ZNF469: variants seen among roughly 807,000 people sequenced by gnomAD.
ZNF469 encodes the protein zinc finger protein 469.
A neutral mutation model predicts 1.0 loss-of-function variants in ZNF469; 1 was observed. That is an observed-to-expected ratio of 1.00 (90% confidence interval 0.35 to 4.73). The LOEUF (loss-of-function observed/expected upper bound fraction) is 4.73, where lower values mean the gene tolerates loss of function less well. ZNF469 is among the 30% of genes most tolerant of loss of function. The probability of loss-of-function intolerance (pLI) is 0.16; values close to 1 mark genes in which losing one functional copy is unlikely to be tolerated. For synonymous variants in ZNF469, 2,703 were observed against 2,363.4 expected, an observed-to-expected ratio of 1.14 and a Z score of -4.17; for missense variants, 6,100 against 5,356.3, an observed-to-expected ratio of 1.14 and a Z score of -4.33.
the ZNF469 span, among the ~76,000 whole-genome samples, chr16:88,171,275 T>C: frequency 6.6e-6 from 1 of 152,168 alleles, no homozygotes; most frequent in Non-Finnish European, 1.5e-5. Context: ...CAGGTAGTGG[T>C]GGCCCATCTG....
the ZNF469 span, among the ~76,000 whole-genome samples, chr16:88,209,296 T>C: frequency 6.6e-6 from 1 of 151,920 alleles, no homozygotes; most frequent in Non-Finnish European, 1.5e-5. Context: ...TTTTTTCTTT[T>C]TTTTTTTCTT....
chr16:88,370,824 C>T, the ZNF469 span, among the ~76,000 whole-genome samples: 3 of 152,146 alleles, frequency 2.0e-5, 1 homozygote, highest in South Asian at 6.2e-4. Flanking sequence ...TTGGCTTTGG[C>T]GATGGGGCAG....
chr16:88,295,534 G>C, the ZNF469 span, among the ~76,000 whole-genome samples: 14 of 152,312 alleles, frequency 9.2e-5, no homozygotes, highest in African/African-American at 3.4e-4. Context: ...AACGGCTGTA[G>C]CTGAGCCCCT....
At chr16:88,319,458 C>G in the ZNF469 span, among the ~76,000 whole-genome samples, 1 of 152,136 alleles carries the variant, frequency 6.6e-6, no homozygotes, top group Non-Finnish European at 1.5e-5. Flanking sequence ...TCCGAGGCCT[C>G]GGAAGGTGGG....
the ZNF469 span, among the ~76,000 whole-genome samples, chr16:88,202,606 A>G: frequency 6.6e-6 from 1 of 152,202 alleles, no homozygotes; most frequent in Non-Finnish European, 1.5e-5. Flanking sequence ...AGGGCATCTC[A>G]GAACCTGAGG....
At chr16:88,313,245 G>C in the ZNF469 span, among the ~76,000 whole-genome samples, 1 of 152,132 alleles carries the variant, frequency 6.6e-6, no homozygotes, top group Non-Finnish European at 1.5e-5. Context: ...TTATATATGA[G>C]AAAGCTGTTG....
the ZNF469 span, among the ~76,000 whole-genome samples, chr16:88,136,670 G>A: frequency 1.4e-4 from 21 of 152,364 alleles, no homozygotes; most frequent in South Asian, 8.3e-4. Context: ...AACGATGGAC[G>A]TCTGATGGCT....
At chr16:88,372,882 T>G in the ZNF469 span, among the ~76,000 whole-genome samples, 1 of 151,912 alleles carries the variant, frequency 6.6e-6, no homozygotes, top group Non-Finnish European at 1.5e-5. Flanking sequence ...ATCTTCACCA[T>G]CATCACCACC....
chr16:88,263,637 T>G, the ZNF469 span, among the ~76,000 whole-genome samples: 1 of 151,872 alleles, frequency 6.6e-6, no homozygotes, highest in Non-Finnish European at 1.5e-5. Context: ...GGGTCAAGGG[T>G]GCAGTGGGCA....
chr16:88,387,351 T>C (rs4782515), intron 1 of ZNF469, among the ~76,000 whole-genome samples: 99,621 of 152,052 alleles, frequency 0.66, 33,349 homozygotes, highest in African/African-American at 0.79. Context: ...TTCACCAGGC[T>C]GGCTTCAGGG....
the ZNF469 span, among the ~76,000 whole-genome samples, chr16:88,290,246 C>A: frequency 2.0e-5 from 3 of 152,250 alleles, no homozygotes; most frequent in Non-Finnish European, 2.9e-5. Flanking sequence ...AGCTGATGGA[C>A]TTTCAGATGA....
At position 88,438,748 on chromosome 16, in the gene ZNF469, G is replaced by T; in HGVS notation, c.11278G>T (p.Glu3760Ter). The change falls in exon 3 of 3, where the codon GAG becomes TAG. Residue 3760 changes from glutamate to a stop codon, truncating the protein, a stop_gained. Coordinates refer to ENST00000565624, the MANE Select transcript of ZNF469 (RefSeq NM_001367624.2). LOFTEE classifies it low-confidence loss of function (END_TRUNC). Reference protein sequence around the residue: ...PQPASGQLQSETATTPAKPSF... With the variant: ...PQPASGQLQS ...GCCAGCCAGCGGGCAGCTCCAGAGC[G>T]AGACAGCCACCACCCCAGCCAAGCC... The T allele has an allele frequency of 6.5e-7, 1 of 1,550,052 alleles. No individual in the cohort carries two copies. The highest frequency in any genetic ancestry group is 8.7e-7 in the Non-Finnish European group (1 of 1,146,872).
the ZNF469 span, among the ~76,000 whole-genome samples, chr16:88,137,261 A>G: frequency 6.6e-6 from 1 of 152,230 alleles, no homozygotes; most frequent in African/African-American, 2.4e-5. Context: ...GTATGTGTAA[A>G]ACCATGTGTG....
chr16:88,164,198 A>G, the ZNF469 span, among the ~76,000 whole-genome samples: 2 of 149,316 alleles, frequency 1.3e-5, no homozygotes, highest in South Asian at 4.4e-4. Flanking sequence ...GGGTGGATGG[A>G]TGAATGGATG....
chr16:88,425,105 G>A (rs997160250), intron 2 of ZNF469, among the ~76,000 whole-genome samples: 1 of 152,216 alleles, frequency 6.6e-6, no homozygotes, highest in African/African-American at 2.4e-5. Context: ...GGCAGCCGCT[G>A]AGCCAGCAGG....
chr16:88,372,954 CCAT>C, the ZNF469 span, among the ~76,000 whole-genome samples: 4 of 152,014 alleles, frequency 2.6e-5, no homozygotes, highest in Non-Finnish European at 5.9e-5. Context: ...ACCATCATCA[CCAT>C]CATCACCACC....
chr16:88,154,751 C>A, the ZNF469 span, among the ~76,000 whole-genome samples: 2 of 152,208 alleles, frequency 1.3e-5, no homozygotes, highest in African/African-American at 2.4e-5. Flanking sequence ...GCAGCATCTG[C>A]CACATCACAG....
chr16:88,373,019 A>G, the ZNF469 span, among the ~76,000 whole-genome samples: 1 of 152,212 alleles, frequency 6.6e-6, no homozygotes, highest in Non-Finnish European at 1.5e-5. Context: ...CTTCACCATC[A>G]TCGCCATCAT....
Position 88,436,774 on chromosome 16 carries a change from C to CT in ZNF469, c.9304_9305insT (p.Gln3102LeufsTer95). On this transcript the variant is annotated frameshift_variant, in exon 3 of 3. Transcript: ENST00000565624. LOFTEE classifies it low-confidence loss of function (END_TRUNC). Reference sequence around the variant, plus strand: ...GGAGGCTGCAGGGGCAGGGAGGGCCCAAGGCAGAGGCCGGCCGGCCAAGGG... The same window carrying CT: ...GGAGGCTGCAGGGGCAGGGAGGGCCCTAAGGCAGAGGCCGGCCGGCCAAGGG... The CT allele has an allele frequency of 6.5e-7, 1 of 1,546,444 alleles. No individual in the cohort carries two copies. Among genetic ancestry groups the CT allele is most frequent in the Non-Finnish European group, 8.7e-7 (1 of 1,146,252 alleles).
Sources: gnomAD v4.1 joint callset for allele counts (sites outside exome capture counted in the v4.1 genomes callset) on GRCh38, gnomAD v4.1.1 for gene constraint, MANE v1.5 for transcripts, NCBI Gene and HGNC (gene_info 2026-07-23, HGNC 2026-07-21) for gene names.